IL1RAPL1: variants seen among roughly 807,000 people sequenced by gnomAD.
IL1RAPL1 encodes interleukin-1 receptor accessory protein-like 1.
In IL1RAPL1, 3 loss-of-function variants were observed where a neutral mutation model predicts 48.4. The ratio of observed to expected loss-of-function variants is 0.06; its 90% CI spans 0.03 to 0.16. The LOEUF is 0.16. IL1RAPL1 is among the 10% of genes least tolerant of loss of function. The probability of loss-of-function intolerance (pLI) is 1.00; values close to 1 mark genes in which losing one functional copy is unlikely to be tolerated. For missense variants in IL1RAPL1, 349 were observed against 530.6 expected, an observed-to-expected ratio of 0.66 and a Z score of 3.36; for synonymous variants, 185 against 187.7, an observed-to-expected ratio of 0.99 and a Z score of 0.12.
At chrX:29,241,948 A>G (rs1434923850) in intron 2 of IL1RAPL1, among the ~76,000 whole-genome samples, 2 of 111,621 alleles carry the variant, frequency 1.8e-5, no homozygotes, top group African/African-American at 6.5e-5. Flanking sequence ...TAGGGACAAG[A>G]TGGCCCAGAG....
intron 2 of IL1RAPL1, among the ~76,000 whole-genome samples, chrX:29,048,995 A>G (rs1927034459): frequency 8.9e-6 from 1 of 112,522 alleles, no homozygotes; most frequent in East Asian, 2.8e-4. Context: ...TGCATTCTCA[A>G]TGCTCTATTA....
intron 1 of IL1RAPL1, among the ~76,000 whole-genome samples, chrX:28,713,956 T>C (rs1237139777): frequency 8.9e-6 from 1 of 112,153 alleles, no homozygotes; most frequent in Non-Finnish European, 1.9e-5. Flanking sequence ...CAATATCGTT[T>C]TAATAGACAT....
chrX:28,791,247 GACTT>G (rs1936536858), intron 2 of IL1RAPL1, among the ~76,000 whole-genome samples: 1 of 110,996 alleles, frequency 9.0e-6, no homozygotes, highest in Non-Finnish European at 1.9e-5. Context: ...ATCAAACTGG[GACTT>G]ACTTTGTGTG....
intron 2 of IL1RAPL1, among the ~76,000 whole-genome samples, chrX:29,231,089 C>T (rs1387037365): frequency 8.9e-6 from 1 of 112,325 alleles, no homozygotes; most frequent in Non-Finnish European, 1.9e-5. Context: ...TACCTGGATT[C>T]TTCTCTTTGG....
chrX:29,539,498 G>C (rs969402044), intron 5 of IL1RAPL1, among the ~76,000 whole-genome samples: 9 of 111,098 alleles, frequency 8.1e-5, no homozygotes, highest in Non-Finnish European at 1.5e-4. Context: ...ATATGGTTTG[G>C]ATCTATGTCC....
At chrX:28,694,845 A>G (rs1220613540) in intron 1 of IL1RAPL1, among the ~76,000 whole-genome samples, 2 of 111,572 alleles carry the variant, frequency 1.8e-5, no homozygotes, top group Non-Finnish European at 3.8e-5. Flanking sequence ...CCTCAAGAGC[A>G]AGTTTCCTTA....
At chrX:29,822,262 A>G (rs1444625455) in intron 6 of IL1RAPL1, among the ~76,000 whole-genome samples, 1 of 111,896 alleles carries the variant, frequency 8.9e-6, no homozygotes. Context: ...TGTGGTGAAT[A>G]TTTGCAGAAA....
intron 6 of IL1RAPL1, among the ~76,000 whole-genome samples, chrX:29,718,789 CAG>C (rs765283693): frequency 3.0e-3 from 329 of 109,616 alleles, no homozygotes; most frequent in Non-Finnish European, 5.2e-3. Flanking sequence ...AGTCCTTGAA[CAG>C]GGGACAGACA....
At chrX:29,891,156 C>A (rs189253907) in intron 6 of IL1RAPL1, among the ~76,000 whole-genome samples, 2 of 112,133 alleles carry the variant, frequency 1.8e-5, no homozygotes, top group East Asian at 5.6e-4. Flanking sequence ...TCATCTGTAA[C>A]CAGCCTTCTT....
intron 2 of IL1RAPL1, among the ~76,000 whole-genome samples, chrX:28,808,667 T>G (rs1361625062): frequency 8.1e-5 from 9 of 111,414 alleles, no homozygotes; most frequent in Non-Finnish European, 1.3e-4. Context: ...TATGCTTTAA[T>G]ATAAATAAGT....
Position 29,920,062 on chromosome X carries a change from G to C in IL1RAPL1, c.1025G>C (p.Arg342Pro), listed in dbSNP as rs779866333. ...TGTTATGTTGAAAATGGAAATGGAC[G>C]TCGACACGCCAGCGTTCTCCTTCAT... ...YSCYVENGNG[R>P]RHASVLLHKR... is the part of the protein sequence containing the mutation. Residue 342 changes from arginine (R) to proline (P), a missense_variant, in exon 8 of 11, where the codon CGT (arginine) becomes CCT (proline). Arg to Pro is a moderately radical substitution (Grantham distance 103). Coordinates refer to ENST00000378993, the MANE Select transcript of IL1RAPL1 (RefSeq NM_014271.4). 8.3e-7 allele frequency: 1 copy of C among 1,211,379 alleles called. No individual in the cohort carries two copies. The highest frequency in any genetic ancestry group is 1.1e-6 in the Non-Finnish European group (1 of 895,129).
intron 6 of IL1RAPL1, among the ~76,000 whole-genome samples, chrX:29,675,447 C>G (rs1164306740): frequency 8.9e-6 from 1 of 112,256 alleles, no homozygotes; most frequent in South Asian, 3.7e-4. Context: ...GCAGATTACT[C>G]TTTTGCTGCA....
At chrX:29,443,427 A>C (rs182191934) in intron 5 of IL1RAPL1, among the ~76,000 whole-genome samples, 1 of 111,658 alleles carries the variant, frequency 9.0e-6, no homozygotes, top group Non-Finnish European at 1.9e-5. Flanking sequence ...TCATAATCAA[A>C]GTAAGTCATC....
intron 5 of IL1RAPL1, among the ~76,000 whole-genome samples, chrX:29,542,514 T>C (rs1179274663): frequency 8.9e-6 from 1 of 112,511 alleles, no homozygotes; most frequent in Admixed American, 9.4e-5. Context: ...CAGATAAAAC[T>C]ACTTCTTCTA....
At chrX:29,706,133 G>A (rs369344566) in intron 6 of IL1RAPL1, among the ~76,000 whole-genome samples, 2 of 111,179 alleles carry the variant, frequency 1.8e-5, no homozygotes, top group East Asian at 2.8e-4. Flanking sequence ...TCAGTATCAC[G>A]AGAACAGCAT....
At chrX:29,711,820 T>A (rs1383860048) in intron 6 of IL1RAPL1, among the ~76,000 whole-genome samples, 1 of 111,749 alleles carries the variant, frequency 8.9e-6, no homozygotes, top group Non-Finnish European at 1.9e-5. Context: ...TTTTTATTAA[T>A]CTTATGCAGT....
intron 5 of IL1RAPL1, among the ~76,000 whole-genome samples, chrX:29,516,760 G>A (rs900440348): frequency 9.1e-6 from 1 of 110,340 alleles, no homozygotes; most frequent in Admixed American, 9.7e-5. Flanking sequence ...GTTTCCTGGT[G>A]TAGATGTGGA....
At chrX:28,601,555 ACT>A (rs1312020721) in intron 1 of IL1RAPL1, among the ~76,000 whole-genome samples, 1 of 111,596 alleles carries the variant, frequency 9.0e-6, no homozygotes, top group Non-Finnish European at 1.9e-5. Flanking sequence ...CCTAACATTG[ACT>A]AGATGGTCAA....
At chrX:29,230,526 A>C (rs867005301) in intron 2 of IL1RAPL1, among the ~76,000 whole-genome samples, 1 of 97,712 alleles carries the variant, frequency 1.0e-5, no homozygotes, top group Non-Finnish European at 2.0e-5. Context: ...AAAAAAAAAA[A>C]AAAAAAAAAC....
Sources: gnomAD v4.1 joint callset for allele counts (sites outside exome capture counted in the v4.1 genomes callset) on GRCh38, gnomAD v4.1.1 for gene constraint, MANE v1.5 for transcripts, NCBI Gene and HGNC (gene_info 2026-07-23, HGNC 2026-07-21) for gene names.